AXDND1: variants seen among roughly 807,000 people sequenced by gnomAD.
AXDND1 encodes axonemal dynein light chain domain containing 1, also known as axonemal dynein light chain domain-containing protein 1.
Under a neutral mutation model 137.5 loss-of-function variants are expected in AXDND1, and 110 were observed. That is an observed-to-expected ratio of 0.80 (90% CI 0.69 to 0.94). AXDND1 has a LOEUF of 0.94. Ranked by LOEUF, AXDND1 falls within the 40% of genes least tolerant of loss-of-function variation. The pLI is 0.00. For synonymous variants in AXDND1, 414 were observed against 399.7 expected, an observed-to-expected ratio of 1.04 and a Z score of -0.43; for missense variants, 1,191 against 1,169.8, an observed-to-expected ratio of 1.02 and a Z score of -0.26.
chr1:179,445,196 G>A lies in AXDND1; in HGVS notation c.1790G>A (p.Gly597Glu), dbSNP rs548996024. 2 of 1,545,560 alleles carry A rather than the reference G, an allele frequency of 1.3e-6. No individual in the cohort carries two copies. Among genetic ancestry groups the A allele is most frequent in the Admixed American group, 1.8e-5 (1 of 54,762 alleles). ...LYKEYEIRIN[G>E]DNGYSKILPS... Reference sequence around the variant, plus strand: ...AAAGAATATGAAATAAGAATAAATGGGGACAATGGTAAGAAAATACTCATA... The same window carrying A: ...AAAGAATATGAAATAAGAATAAATGAGGACAATGGTAAGAAAATACTCATA... The change falls in exon 16 of 26, where the codon GGG (glycine) becomes GAG (glutamate). Residue 597 changes from glycine to glutamate, a missense_variant. Gly to Glu is a moderately conservative substitution (Grantham distance 98). Coordinates refer to ENST00000367618, the MANE Select transcript of AXDND1 (RefSeq NM_144696.6).
chr1:179,525,228 C>T, intron 21 of AXDND1, 106 bp from the exon 22 acceptor site: 1 of 1,146,486 alleles, frequency 8.7e-7, no homozygotes, highest in Non-Finnish European at 1.2e-6. Flanking sequence ...ATCCTTGTCA[C>T]TAGCACAGTA....
At position 179,505,827 on chromosome 1, in the gene AXDND1, A is replaced by T. The variant is rs192283027; in HGVS notation, c.2389-3469A>T. 2.0e-5 allele frequency among the ~76,000 whole-genome samples: 3 copies of T among 152,326 alleles called. No homozygotes were observed. The East Asian group carries it at 5.8e-4, about 29-fold the overall frequency. On this transcript the variant is annotated intron_variant, in intron 20 of 25. Coordinates refer to ENST00000367618, the MANE Select transcript of AXDND1 (RefSeq NM_144696.6). ...TCTAGTTCCCCAAGAGTACTAAGGC[A>T]GTCCAGGGGCTAATTATTTACCATC... is the stretch of plus-strand genomic sequence containing the variant.
chr1:179,476,621 T>C (rs1427303912), intron 17 of AXDND1, among the ~76,000 whole-genome samples: 1 of 152,174 alleles, frequency 6.6e-6, no homozygotes, highest in Non-Finnish European at 1.5e-5. Flanking sequence ...GTTTGTTGGA[T>C]ATAGGATTCT....
At chr1:179,498,724 A>G (rs532019998) in intron 20 of AXDND1, among the ~76,000 whole-genome samples, 1 of 152,212 alleles carries the variant, frequency 6.6e-6, no homozygotes, top group South Asian at 2.1e-4. Flanking sequence ...ACTCAAACAA[A>G]TCAACAAGCA....
intron 16 of AXDND1, among the ~76,000 whole-genome samples, chr1:179,461,151 C>T (rs2125443853): frequency 6.6e-6 from 1 of 152,220 alleles, no homozygotes; most frequent in Admixed American, 6.5e-5. Context: ...AATGGTATTG[C>T]CTAGGTTTTC....
chr1:179,427,808 A>G (rs1210871665), intron 12 of AXDND1, among the ~76,000 whole-genome samples: 2 of 152,210 alleles, frequency 1.3e-5, no homozygotes, highest in African/African-American at 2.4e-5. Flanking sequence ...CTAAGTTCAC[A>G]TAGCTAATAA....
intron 13 of AXDND1, 64 bp downstream of exon 13, chr1:179,429,683 A>G: frequency 1.1e-6 from 1 of 872,356 alleles, no homozygotes; most frequent in East Asian, 2.9e-5. Context: ...TTGAGACTGT[A>G]AGATGCCTTT....
At chr1:179,451,289 T>A (rs1660508674) in intron 16 of AXDND1, 1 of 152,022 alleles carries the variant, frequency 6.6e-6, no homozygotes, top group Admixed American at 6.6e-5. Context: ...TATATTGTCT[T>A]TTTTTTCTTG....
At chr1:179,392,088 A>C (rs1571613105) in intron 9 of AXDND1, among the ~76,000 whole-genome samples, 2 of 152,190 alleles carry the variant, frequency 1.3e-5, no homozygotes, top group East Asian at 3.9e-4. Flanking sequence ...TGAGCAGTGT[A>C]CACTGTACCA....
intron 4 of AXDND1, among the ~76,000 whole-genome samples, chr1:179,371,409 C>T (rs1032222621): frequency 1.3e-5 from 2 of 152,032 alleles, no homozygotes; most frequent in Non-Finnish European, 2.9e-5. Context: ...GCCTGGGCGA[C>T]CCAGCGAGAC....
At chr1:179,537,018 T>C (rs967431070) in intron 25 of AXDND1, among the ~76,000 whole-genome samples, 1 of 152,238 alleles carries the variant, frequency 6.6e-6, no homozygotes, top group African/African-American at 2.4e-5. Context: ...TTGTCTGTTA[T>C]TGGTGTATAG....
At chr1:179,426,171 T>A (rs1656544627) in intron 12 of AXDND1, among the ~76,000 whole-genome samples, 1 of 152,144 alleles carries the variant, frequency 6.6e-6, no homozygotes, top group Non-Finnish European at 1.5e-5. Context: ...ATCTTAAAAT[T>A]TAAAACTTCC....
intron 25 of AXDND1, chr1:179,543,410 C>T (rs1239679416): frequency 6.6e-6 from 1 of 152,068 alleles, no homozygotes; most frequent in Non-Finnish European, 1.5e-5. Flanking sequence ...AAGGCAACCA[C>T]ATGTAAGATG....
Position 179,468,429 on chromosome 1 carries a change from TC to T in AXDND1, c.1799-13del, listed in dbSNP as rs767987158. On this transcript the variant is annotated splice_polypyrimidine_tract_variant and intron_variant, in intron 16 of 25. Coordinates refer to ENST00000367618, the MANE Select transcript of AXDND1 (RefSeq NM_144696.6). ...AAATATTTCTAAAAGTTAATGCTTT[TC>T]TTACTTTTCTAGGTTACTCCAAAAT... The T allele has an allele frequency of 9.0e-6, 14 of 1,549,780 alleles. No individual in the cohort carries two copies. In the Admixed American group the frequency reaches 2.5e-4, roughly 28 times the overall value.
At chr1:179,535,655 G>A (rs9699789) in intron 25 of AXDND1, among the ~76,000 whole-genome samples, 1 of 152,134 alleles carries the variant, frequency 6.6e-6, no homozygotes. Context: ...CCAAGTTTTT[G>A]CTATTGTGAA....
chr1:179,516,413 C>A (rs60323829), intron 21 of AXDND1, among the ~76,000 whole-genome samples: 1 of 152,032 alleles, frequency 6.6e-6, no homozygotes, highest in Non-Finnish European at 1.5e-5. Flanking sequence ...TGGTGCCTCC[C>A]TGATTAGCTT....
chr1:179,525,855 G>A (rs1335265283), intron 22 of AXDND1, among the ~76,000 whole-genome samples: 1 of 151,994 alleles, frequency 6.6e-6, no homozygotes, highest in Non-Finnish European at 1.5e-5. Flanking sequence ...CACACAGACA[G>A]TGGAGAATAG....
chr1:179,453,444 T>A (rs1660840738), intron 16 of AXDND1: 1 of 152,448 alleles, frequency 6.6e-6, no homozygotes, highest in Non-Finnish European at 1.5e-5. Flanking sequence ...GGAGCCCATC[T>A]CTTGCATCAG....
intron 15 of AXDND1, among the ~76,000 whole-genome samples, chr1:179,442,849 G>A (rs1181599310): frequency 6.6e-6 from 1 of 152,180 alleles, no homozygotes; most frequent in Non-Finnish European, 1.5e-5. Context: ...ACTGAACAAA[G>A]TGGGGCGAAC....
Sources: allele counts gnomAD v4.1 joint callset (sites outside exome capture counted in the v4.1 genomes callset), GRCh38; gene constraint gnomAD v4.1.1; transcripts MANE v1.5; gene names NCBI Gene and HGNC (gene_info 2026-07-23, HGNC 2026-07-21).